PRDM6: variants seen among roughly 807,000 people sequenced by gnomAD.
PRDM6 encodes the protein PR/SET domain 6.
In PRDM6, 25 loss-of-function variants were observed where a neutral mutation model predicts 60.8. That is an observed-to-expected ratio of 0.41 (90% CI 0.30 to 0.57). PRDM6 has a LOEUF of 0.57. PRDM6 is among the 20% of genes least tolerant of loss of function. The pLI, the probability that PRDM6 is intolerant of heterozygous loss-of-function variation, is 0.27. For synonymous variants in PRDM6, 407 were observed against 357.4 expected (o/e 1.14, Z -1.57); for missense variants, 839 against 821.3 (o/e 1.02, Z -0.26).
chr5:123,093,228 GTTTTCTCT>G (rs1291730452), intron 2 of PRDM6, among the ~76,000 whole-genome samples: 1 of 152,158 alleles, frequency 6.6e-6, no homozygotes, highest in Non-Finnish European at 1.5e-5. Flanking sequence ...GTATTGAGTT[GTTTTCTCT>G]TTTTCTCACA....
intron 3 of PRDM6, among the ~76,000 whole-genome samples, chr5:123,130,216 T>C (rs1764799256): frequency 1.6e-5 from 1 of 64,474 alleles, no homozygotes; most frequent in Non-Finnish European, 3.0e-5. Context: ...CCCTTTTCCC[T>C]TCCCTTCCTC....
At chr5:123,144,661 G>A (rs1580515431) in intron 3 of PRDM6, among the ~76,000 whole-genome samples, 1 of 152,124 alleles carries the variant, frequency 6.6e-6, no homozygotes, top group East Asian at 1.9e-4. Flanking sequence ...CTCTCCATTG[G>A]GTGAAGTCTT....
chr5:123,094,431 T>TC (rs1763912871), intron 2 of PRDM6, among the ~76,000 whole-genome samples: 14 of 140,680 alleles, frequency 1.0e-4, no homozygotes, highest in Admixed American at 7.8e-4. Context: ...GGCTTTTGTG[T>TC]TTCTCTCTCT....
At chr5:123,162,538 C>T (rs1765658635) in intron 5 of PRDM6, among the ~76,000 whole-genome samples, 2 of 152,148 alleles carry the variant, frequency 1.3e-5, no homozygotes, top group African/African-American at 4.8e-5. Flanking sequence ...AGAAAATTTG[C>T]AAAGCTACAA....
At chr5:123,137,645 G>C (rs577628591) in intron 3 of PRDM6, among the ~76,000 whole-genome samples, 4 of 152,218 alleles carry the variant, frequency 2.6e-5, no homozygotes, top group South Asian at 4.2e-4. Flanking sequence ...GTCAGGGGGT[G>C]GGGGGCTAAG....
At chr5:123,183,189 A>G (rs1185274227) in intron 7 of PRDM6, among the ~76,000 whole-genome samples, 1 of 152,230 alleles carries the variant, frequency 6.6e-6, no homozygotes, top group Non-Finnish European at 1.5e-5. Context: ...AAGGAGAAGA[A>G]TCTTGTAAAG....
intron 5 of PRDM6, among the ~76,000 whole-genome samples, chr5:123,162,954 A>G (rs1765670337): frequency 6.6e-6 from 1 of 152,230 alleles, no homozygotes; most frequent in African/African-American, 2.4e-5. Flanking sequence ...TGGGCAGATA[A>G]TTTAACAGAT....
At chr5:123,100,284 T>G (rs1484027797) in intron 3 of PRDM6, among the ~76,000 whole-genome samples, 1 of 152,076 alleles carries the variant, frequency 6.6e-6, no homozygotes, top group East Asian at 1.9e-4. Flanking sequence ...CTCTGTGAAT[T>G]TTGAGAAAAA....
chr5:123,155,044 A>C (rs1414448011), intron 3 of PRDM6, among the ~76,000 whole-genome samples: 1 of 152,052 alleles, frequency 6.6e-6, no homozygotes, highest in Non-Finnish European at 1.5e-5. Flanking sequence ...TGCTGTTGGC[A>C]CTGACTCTGT....
rs542421459 is a variant in PRDM6 at position 123,159,343 on chromosome 5, G to C, written c.1029-171G>C. On this transcript the variant is annotated intron_variant, in intron 4 of 7. Coordinates refer to ENST00000407847, the MANE Select transcript of PRDM6 (RefSeq NM_001136239.4). Reference sequence around the variant, plus strand: ...TAAATTGAATGCTGTTTATCACACTGAGTTACAGACTCTAATTGGTTGCTG... The same window carrying C: ...TAAATTGAATGCTGTTTATCACACTCAGTTACAGACTCTAATTGGTTGCTG... Among the ~76,000 whole-genome samples the C allele has an allele frequency of 3.3e-5, 5 of 152,282 alleles. No individual in the cohort carries two copies. The East Asian group carries it at 9.6e-4, about 29-fold the overall frequency.
intron 3 of PRDM6, among the ~76,000 whole-genome samples, chr5:123,153,116 A>G (rs1335946813): frequency 6.6e-6 from 1 of 151,206 alleles, no homozygotes; most frequent in East Asian, 2.0e-4. Flanking sequence ...TATTACAAAT[A>G]TTTTCCCAAG....
chr5:123,160,313 A>G (rs1007556553), intron 5 of PRDM6, among the ~76,000 whole-genome samples: 17 of 152,180 alleles, frequency 1.1e-4, no homozygotes, highest in African/African-American at 4.1e-4. Context: ...TAAACTTTAT[A>G]TTTCTGCTCT....
chr5:123,174,532 A>G (rs902847686), intron 6 of PRDM6, among the ~76,000 whole-genome samples: 6 of 152,236 alleles, frequency 3.9e-5, no homozygotes, highest in Non-Finnish European at 5.9e-5. Flanking sequence ...AGGCCCTTGA[A>G]TCTGAGGTCC....
intron 5 of PRDM6, among the ~76,000 whole-genome samples, chr5:123,168,901 C>A (rs1765822037): frequency 6.6e-6 from 1 of 152,244 alleles, no homozygotes; most frequent in Admixed American, 6.5e-5. Context: ...TGGCATCTCC[C>A]TGTCCACTTG....
At chr5:123,096,919 T>C (rs1253588527) in intron 2 of PRDM6, among the ~76,000 whole-genome samples, 1 of 152,114 alleles carries the variant, frequency 6.6e-6, no homozygotes, top group East Asian at 1.9e-4. Flanking sequence ...GCTGATGTCG[T>C]TGATGGGATG....
chr5:123,093,012 CAG>C (rs1472772664), intron 2 of PRDM6, among the ~76,000 whole-genome samples: 3 of 152,300 alleles, frequency 2.0e-5, no homozygotes, highest in East Asian at 1.9e-4. Flanking sequence ...CTGTGAAAAA[CAG>C]AAGCTTCTCC....
chr5:123,162,055 G>A (rs1263906939), intron 5 of PRDM6, among the ~76,000 whole-genome samples: 1 of 152,250 alleles, frequency 6.6e-6, no homozygotes, highest in East Asian at 1.9e-4. Context: ...GAGTGAGAAA[G>A]AGGAGTCAGG....
chr5:123,190,947 GTA>G lies in PRDM6; in HGVS notation c.*3747_*3748del, dbSNP rs1257536336. ...TTCCAACTGGGAAAATCTGAGAGAG[GTA>G]AATTCATCTGGGGACCAGAAAATAG... On this transcript the variant is annotated 3_prime_UTR_variant, in exon 8 of 8. Coordinates refer to ENST00000407847, the MANE Select transcript of PRDM6 (RefSeq NM_001136239.4). 2.0e-5 allele frequency: 3 copies of G among 152,162 alleles called. No homozygotes were observed. Among genetic ancestry groups the G allele is most frequent in the Non-Finnish European group, 4.4e-5 (3 of 68,032 alleles). 9.4% of individuals were successfully genotyped at this position (152,162 alleles called of 1,614,324 possible).
At chr5:123,183,913 G>A (rs547081306) in intron 7 of PRDM6, among the ~76,000 whole-genome samples, 29 of 152,252 alleles carry the variant, frequency 1.9e-4, no homozygotes, top group African/African-American at 7.0e-4. Context: ...CTGGGAAACT[G>A]AGAACAGGCC....
Sources: allele counts gnomAD v4.1 joint callset (sites outside exome capture counted in the v4.1 genomes callset), GRCh38; gene constraint gnomAD v4.1.1; transcripts MANE v1.5; gene names NCBI Gene and HGNC (gene_info 2026-07-23, HGNC 2026-07-21).